Variants in MAPK8 observed in about 807,000 individuals in gnomAD.
MAPK8 encodes JUN N-terminal kinase.
A neutral mutation model predicts 52.9 loss-of-function variants in MAPK8; 13 were observed. That is an observed-to-expected ratio of 0.25 (90% CI 0.16 to 0.39). The LOEUF (loss-of-function observed/expected upper bound fraction) is 0.39, where lower values mean the gene tolerates loss of function less well. Ranked by LOEUF, MAPK8 falls within the 10% of genes least tolerant of loss-of-function variation. MAPK8 has a pLI of 1.00. For missense variants in MAPK8, 300 were observed against 519.2 expected (o/e 0.58, Z 4.10); for synonymous variants, 191 against 169.8 (o/e 1.12, Z -0.97).
At chr10:48,310,692 G>A (rs955648875) in intron 1 of MAPK8, among the ~76,000 whole-genome samples, 1 of 152,028 alleles carries the variant, frequency 6.6e-6, no homozygotes, top group Non-Finnish European at 1.5e-5. Flanking sequence ...TCACATCTCT[G>A]TGCAGGCCAA....
At chr10:48,358,547 C>T (rs1381030835) in intron 1 of MAPK8, among the ~76,000 whole-genome samples, 1 of 152,104 alleles carries the variant, frequency 6.6e-6, no homozygotes, top group Non-Finnish European at 1.5e-5. Context: ...AATATTTTCT[C>T]CTCTTCTGTG....
chr10:48,320,842 C>G (rs554301477), intron 1 of MAPK8, among the ~76,000 whole-genome samples: 1 of 152,250 alleles, frequency 6.6e-6, no homozygotes, highest in African/African-American at 2.4e-5. Context: ...TTTCCACCAG[C>G]AAGGTGTGAA....
At chr10:48,316,795 A>G (rs773912163) in intron 1 of MAPK8, among the ~76,000 whole-genome samples, 44 of 152,112 alleles carry the variant, frequency 2.9e-4, no homozygotes, top group Non-Finnish European at 4.3e-4. Flanking sequence ...TAAATAGTTT[A>G]TTTTCTGTCT....
chr10:48,336,787 T>C (rs1844732760), intron 1 of MAPK8, among the ~76,000 whole-genome samples: 1 of 152,186 alleles, frequency 6.6e-6, no homozygotes, highest in Admixed American at 6.5e-5. Context: ...AATGGAACTT[T>C]TATTTCTCAG....
chr10:48,400,985 T>G (rs921256998), intron 1 of MAPK8, among the ~76,000 whole-genome samples: 4 of 152,222 alleles, frequency 2.6e-5, no homozygotes, highest in African/African-American at 9.7e-5. Flanking sequence ...TACTTCTCTC[T>G]CTCTCCTTTC....
rs1185532773 is a variant in MAPK8 at position 48,420,226 on chromosome 10, G to A, written c.522G>A (p.Arg174=). The A allele has an allele frequency of 1.9e-6, 3 of 1,613,950 alleles. No homozygotes were observed. The highest frequency in any genetic ancestry group is 2.5e-6 in the Non-Finnish European group (3 of 1,179,904). ...TLKILDFGLA[R]TAGTSFMMTP... is the part of the protein sequence containing the mutation. The stretch of plus-strand genomic sequence containing the variant: ...AGATTCTTGACTTCGGTCTGGCCAG[G>A]ACTGCAGGAACGAGTTTTATGATGA... The change falls in exon 6 of 12, where the codon AGG becomes AGA. Residue 174 remains arginine (R), a synonymous_variant. Transcript: ENST00000374189.
chr10:48,312,360 C>T (rs1183710425), intron 1 of MAPK8, among the ~76,000 whole-genome samples: 1 of 152,182 alleles, frequency 6.6e-6, no homozygotes, highest in Non-Finnish European at 1.5e-5. Context: ...TGTATTGAAG[C>T]TCTTATGATG....
intron 2 of MAPK8, among the ~76,000 whole-genome samples, chr10:48,403,187 C>T (rs765562813): frequency 2.0e-5 from 3 of 152,124 alleles, no homozygotes; most frequent in African/African-American, 4.8e-5. Flanking sequence ...AAGCCGGGCG[C>T]GGTGGCTCAC....
chr10:48,429,458 A>C (rs1367389502), intron 10 of MAPK8, among the ~76,000 whole-genome samples: 1 of 152,188 alleles, frequency 6.6e-6, no homozygotes, highest in Admixed American at 6.5e-5. Context: ...GCCTTTTTCA[A>C]GATCTACTTA....
rs775449388 is a variant in MAPK8 at position 48,434,913 on chromosome 10, CCAT to C, written c.1176_1178del (p.Ser395del). 28 of 1,613,566 alleles carry C rather than the reference CCAT, an allele frequency of 1.7e-5. No individual in the cohort carries two copies. Among genetic ancestry groups the C allele is most frequent in the African/African-American group, 5.3e-5 (4 of 74,856 alleles). ...AGCAGTGATCAATGGCTCTCAGCATCCATCATCATCGTCGTCTGTCAATGATGT... is the reference window on the plus strand; with the variant it reads ...AGCAGTGATCAATGGCTCTCAGCATCCATCATCGTCGTCTGTCAATGATGT... On this transcript the variant is annotated inframe_deletion, in exon 12 of 12. Coordinates refer to ENST00000374189, the MANE Select transcript of MAPK8 (RefSeq NM_001323329.2).
At chr10:48,415,902 G>A (rs1188198267) in intron 5 of MAPK8, among the ~76,000 whole-genome samples, 1 of 152,182 alleles carries the variant, frequency 6.6e-6, no homozygotes, top group African/African-American at 2.4e-5. Context: ...AAGTACATCT[G>A]TAGAAAATTT....
intron 1 of MAPK8, among the ~76,000 whole-genome samples, chr10:48,325,729 G>GT (rs1407738195): frequency 6.6e-6 from 1 of 151,934 alleles, no homozygotes; most frequent in Non-Finnish European, 1.5e-5. Context: ...TTTTTGTTTT[G>GT]TTTTTTCAAG....
chr10:48,425,830 T>TACAAGAATAC, intron 7 of MAPK8, 58 bp from the exon 8 acceptor site: 1 of 928,764 alleles, frequency 1.1e-6, no homozygotes, highest in Non-Finnish European at 1.6e-6. Context: ...GTAATATGAA[T>TACAAGAATAC]ATGACTAATG....
intron 1 of MAPK8, among the ~76,000 whole-genome samples, chr10:48,383,297 A>G (rs2041120503): frequency 6.6e-6 from 1 of 152,224 alleles, no homozygotes; most frequent in Admixed American, 6.5e-5. Context: ...GTGCAAATCC[A>G]CATTTTTGCT....
chr10:48,378,638 A>T (rs568411084), intron 1 of MAPK8, among the ~76,000 whole-genome samples: 1 of 152,114 alleles, frequency 6.6e-6, no homozygotes, highest in Non-Finnish European at 1.5e-5. Context: ...CTCAAAAACA[A>T]TGGTCAGGCT....
chr10:48,411,819 C>T (rs1433592756), intron 5 of MAPK8, among the ~76,000 whole-genome samples: 2 of 138,276 alleles, frequency 1.4e-5, no homozygotes, highest in Non-Finnish European at 3.1e-5. Flanking sequence ...CTCCCTTCCC[C>T]CCTCCCTTCC....
At chr10:48,380,109 G>C (rs1341103090) in intron 1 of MAPK8, among the ~76,000 whole-genome samples, 1 of 152,058 alleles carries the variant, frequency 6.6e-6, no homozygotes, top group East Asian at 1.9e-4. Flanking sequence ...GGGCATGGTG[G>C]TGCGCACCTG....
At chr10:48,417,627 G>T (rs2043134574) in intron 5 of MAPK8, among the ~76,000 whole-genome samples, 1 of 152,148 alleles carries the variant, frequency 6.6e-6, no homozygotes, top group Non-Finnish European at 1.5e-5. Context: ...CATGGTGAAA[G>T]GTAGAAGAGC....
At position 48,311,212 on chromosome 10, in the gene MAPK8, T is replaced by A. The variant is rs10437448; in HGVS notation, c.-50+4391T>A. On this transcript the variant is annotated intron_variant, in intron 1 of 11. Coordinates refer to ENST00000374189, the MANE Select transcript of MAPK8 (RefSeq NM_001323329.2). ...TAGTTTTTGCTATTGTTATCACTTA[T>A]ATTTAACTTTGAACAAACATAAAAT... is the stretch of plus-strand genomic sequence containing the variant. Among the ~76,000 whole-genome samples the A allele has an allele frequency of 2.6e-5, 4 of 152,146 alleles. No individual in the cohort carries two copies. In the East Asian group the frequency reaches 7.7e-4, roughly 29 times the overall value.
Sources: allele counts gnomAD v4.1 joint callset (sites outside exome capture counted in the v4.1 genomes callset), GRCh38; gene constraint gnomAD v4.1.1; transcripts MANE v1.5; gene names NCBI Gene and HGNC (gene_info 2026-07-23, HGNC 2026-07-21).